Variants in OXR1 observed in about 807,000 individuals in gnomAD.
OXR1 encodes the protein oxidation resistance protein 1.
In OXR1, 41 loss-of-function variants were observed where a neutral mutation model predicts 104.6. The observed-to-expected ratio is 0.39, with a 90% confidence interval of 0.31 to 0.51. OXR1 has a LOEUF of 0.51. OXR1 is among the 20% of genes least tolerant of loss of function. OXR1 has a pLI of 0.77. For synonymous variants in OXR1, 348 were observed against 348.4 expected, an observed-to-expected ratio of 1.00 and a Z score of 0.01; for missense variants, 955 against 1,031.9, an observed-to-expected ratio of 0.93 and a Z score of 1.02.
At chr8:106,610,100 GA>G (rs1223024555) in intron 3 of OXR1, among the ~76,000 whole-genome samples, 1 of 144,802 alleles carries the variant, frequency 6.9e-6, no homozygotes, top group Non-Finnish European at 1.5e-5. Flanking sequence ...TCAACCTTTT[GA>G]TTTTTTTTTT....
rs1341693932 is a variant in OXR1 at position 106,270,255 on chromosome 8, C to G, written c.-251C>G. ...CGTCAGGCTGAGCCCATTCACCTCG[C>G]GGCCACAGGAGCTCAGCGCCGGCGC... On this transcript the variant is annotated 5_prime_UTR_variant, in exon 1 of 17. Transcript: ENST00000517566. 2 of 151,890 alleles carry G rather than the reference C, an allele frequency of 1.3e-5. No individual in the cohort carries two copies. Among genetic ancestry groups the G allele is most frequent in the African/African-American group, 4.8e-5 (2 of 41,404 alleles). The allele number at this position is 151,890 out of a possible 1,614,324, so 9.4% of individuals were successfully genotyped here.
intron 2 of OXR1, among the ~76,000 whole-genome samples, chr8:106,472,311 G>T (rs865981963): frequency 5.9e-5 from 9 of 151,692 alleles, no homozygotes; most frequent in Admixed American, 2.0e-4. Context: ...TTTGGGGCTG[G>T]TTTTTTTCCC....
chr8:106,339,841 G>A (rs1027621440), intron 1 of OXR1, among the ~76,000 whole-genome samples: 2 of 151,736 alleles, frequency 1.3e-5, no homozygotes, highest in Non-Finnish European at 2.9e-5. Flanking sequence ...ATAAAACTAA[G>A]GCAGAGACGT....
chr8:106,449,881 T>G (rs940674790), intron 2 of OXR1, among the ~76,000 whole-genome samples: 1 of 152,136 alleles, frequency 6.6e-6, no homozygotes, highest in Non-Finnish European at 1.5e-5. Context: ...TCTCTGGGCA[T>G]GGAGAGCACT....
At chr8:106,722,301 A>G (rs955600198) in intron 11 of OXR1, among the ~76,000 whole-genome samples, 2 of 152,112 alleles carry the variant, frequency 1.3e-5, no homozygotes, top group African/African-American at 4.8e-5. Context: ...GAGAAATCAC[A>G]TTTCTCAGAT....
intron 11 of OXR1, among the ~76,000 whole-genome samples, chr8:106,720,480 C>G (rs1832734380): frequency 6.6e-6 from 1 of 152,138 alleles, no homozygotes; most frequent in African/African-American, 2.4e-5. Flanking sequence ...CTTTTGAGTT[C>G]CTGTCATGCA....
intron 2 of OXR1, among the ~76,000 whole-genome samples, chr8:106,485,987 T>C (rs1001263182): frequency 5.3e-5 from 8 of 151,894 alleles, no homozygotes; most frequent in African/African-American, 1.9e-4. Flanking sequence ...TGAGGAGATA[T>C]TGTTCAAAGG....
At chr8:106,395,590 T>A (rs1053605001) in intron 2 of OXR1, among the ~76,000 whole-genome samples, 101 of 152,294 alleles carry the variant, frequency 6.6e-4, no homozygotes, top group African/African-American at 2.4e-3. Context: ...GTGAGAATTC[T>A]GGAAGCTACA....
At chr8:106,636,006 T>C (rs1178583942) in intron 3 of OXR1, among the ~76,000 whole-genome samples, 3 of 152,204 alleles carry the variant, frequency 2.0e-5, no homozygotes, top group Admixed American at 2.0e-4. Context: ...TTTAATGCCT[T>C]AGTTATGATT....
chr8:106,623,749 G>C (rs746621869), intron 3 of OXR1, among the ~76,000 whole-genome samples: 6 of 152,168 alleles, frequency 3.9e-5, no homozygotes, highest in African/African-American at 1.4e-4. Context: ...GACTTAGTAT[G>C]AGAGAAGGTT....
chr8:106,556,613 A>C (rs1816303950), intron 3 of OXR1, among the ~76,000 whole-genome samples: 1 of 152,188 alleles, frequency 6.6e-6, no homozygotes. Flanking sequence ...GTTCTAATTA[A>C]ATGAGATCAT....
At chr8:106,731,429 CTTAATAA>C in intron 11 of OXR1, among the ~76,000 whole-genome samples, 1 of 152,224 alleles carries the variant, frequency 6.6e-6, no homozygotes, top group East Asian at 1.9e-4. Context: ...TGAAATTCAA[CTTAATAA>C]TTTTCTTTTT....
intron 2 of OXR1, among the ~76,000 whole-genome samples, chr8:106,374,760 A>G (rs1290488972): frequency 4.6e-5 from 7 of 152,218 alleles, no homozygotes; most frequent in Admixed American, 1.3e-4. Context: ...AGACGATTTT[A>G]TAAACAGCCA....
chr8:106,616,018 A>G (rs888452731), intron 3 of OXR1, among the ~76,000 whole-genome samples: 2 of 148,798 alleles, frequency 1.3e-5, no homozygotes, highest in Non-Finnish European at 1.5e-5. Flanking sequence ...TTAATATCCA[A>G]TGAAACACCT....
At position 106,707,069 on chromosome 8, in the gene OXR1, G is replaced by A. The variant is rs764488815; in HGVS notation, c.1548G>A (p.Gln516=). 27 of 1,613,674 alleles carry A rather than the reference G, an allele frequency of 1.7e-5. No homozygotes were observed. Among genetic ancestry groups the A allele is most frequent in the Non-Finnish European group, 3.4e-6 (4 of 1,179,848 alleles). Residue 516 remains glutamine, a synonymous_variant, in exon 9 of 17, where the codon CAG becomes CAA. Transcript: ENST00000517566. ...WKTHTMQQTK[Q]QRENIQQVSQ... ...CCCATACTATGCAACAAACTAAACA[G>A]CAAAGGGAAAATATTCAACAAGTGT...
At chr8:106,472,081 C>T (rs1167735636) in intron 2 of OXR1, among the ~76,000 whole-genome samples, 1 of 151,646 alleles carries the variant, frequency 6.6e-6, no homozygotes, top group Non-Finnish European at 1.5e-5. Context: ...TTTAGTATCC[C>T]CTAATCTGTG....
chr8:106,595,566 A>AG (rs1444237647), intron 3 of OXR1, among the ~76,000 whole-genome samples: 5 of 151,744 alleles, frequency 3.3e-5, no homozygotes, highest in Non-Finnish European at 5.9e-5. Context: ...AAAAAAAAAA[A>AG]AAAAGAAAAG....
intron 3 of OXR1, chr8:106,657,905 C>G (rs1825293325): frequency 8.0e-7 from 1 of 1,246,428 alleles, no homozygotes; most frequent in Non-Finnish European, 1.0e-6. Flanking sequence ...TCTGATGGGC[C>G]GGTGGGCGCG....
chr8:106,747,079 G>A (rs1835456264), intron 16 of OXR1, among the ~76,000 whole-genome samples: 1 of 152,084 alleles, frequency 6.6e-6, no homozygotes, highest in South Asian at 2.1e-4. Context: ...GAAACTACAG[G>A]GAGTTGATAT....
Sources: gnomAD v4.1 joint callset for allele counts (sites outside exome capture counted in the v4.1 genomes callset) on GRCh38, gnomAD v4.1.1 for gene constraint, MANE v1.5 for transcripts, NCBI Gene and HGNC (gene_info 2026-07-23, HGNC 2026-07-21) for gene names.